AACS: variants seen among roughly 807,000 people sequenced by gnomAD.
AACS encodes acetoacetate-CoA ligase.
A neutral mutation model predicts 83.1 loss-of-function variants in AACS; 69 were observed. That is an observed-to-expected ratio of 0.83 (90% CI 0.68 to 1.01). The LOEUF (loss-of-function observed/expected upper bound fraction) is 1.01, where lower values mean the gene tolerates loss of function less well. Ranked by LOEUF, AACS falls within the 50% of genes least tolerant of loss-of-function variation. The pLI, the probability that AACS is intolerant of heterozygous loss-of-function variation, is 0.00. For missense variants in AACS, 866 were observed against 882.2 expected, an observed-to-expected ratio of 0.98 and a Z score of 0.23; for synonymous variants, 333 against 343.4, an observed-to-expected ratio of 0.97 and a Z score of 0.33.
intron 5 of AACS, among the ~76,000 whole-genome samples, chr12:125,096,462 C>T (rs561760997): frequency 5.3e-4 from 81 of 152,322 alleles, no homozygotes; most frequent in African/African-American, 1.7e-3. Context: ...GTGTGTTCGC[C>T]ACAGCCAAGG....
At chr12:125,107,554 T>C (rs1247511622) in intron 8 of AACS, among the ~76,000 whole-genome samples, 3 of 152,218 alleles carry the variant, frequency 2.0e-5, no homozygotes, top group African/African-American at 7.2e-5. Context: ...GTGCGCTGGC[T>C]GAACCAGCTA....
chr12:125,141,696 CAAAA>C (rs60837088), intron 17 of AACS: 4 of 60,552 alleles, frequency 6.6e-5, no homozygotes, highest in South Asian at 5.4e-4. Flanking sequence ...GACTCTGTCT[CAAAA>C]AAAAAAAAAA....
In AACS at chr12:125,103,982, C is replaced by T. The variant is rs569149502; in HGVS notation, c.767+901C>T. Reference sequence around the variant, plus strand: ...CAGCCTGGGCAAAAAAGCGAAACTCCGTCTCAAAAAAAAAAAAAAAAAAAA... The same window carrying T: ...CAGCCTGGGCAAAAAAGCGAAACTCTGTCTCAAAAAAAAAAAAAAAAAAAA... On this transcript the variant is annotated intron_variant, in intron 7 of 17. Transcript: ENST00000316519. Among the ~76,000 whole-genome samples, 28 of 26,050 alleles carry T rather than the reference C, an allele frequency of 1.1e-3. No homozygotes were observed. The South Asian group carries it at 0.018, about 16-fold the overall frequency. The allele number at this position is 26,050 out of a possible 152,430, so 17.1% of individuals were successfully genotyped here.
intron 7 of AACS, among the ~76,000 whole-genome samples, chr12:125,103,554 C>T (rs1956764618): frequency 6.6e-6 from 1 of 152,248 alleles, no homozygotes. Flanking sequence ...TATGGCTATG[C>T]ATACATAAAC....
In AACS at chr12:125,073,965, C is replaced by T. The variant is rs763684940; in HGVS notation, c.223C>T (p.Arg75Cys). The change falls in exon 2 of 18, where the codon CGT becomes TGT. Residue 75 changes from arginine (R) to cysteine (C), a missense_variant. Arg to Cys is a radical substitution (Grantham distance 180, BLOSUM62 -3). Coordinates refer to ENST00000316519, the MANE Select transcript of AACS (RefSeq NM_023928.5). ...FWKFSGIVFS[R>C]VYDEVVDTSK... ...GAAATTCAGTGGAATTGTCTTCTCACGTGTGTATGATGAGGTAAGTAGAGA... is the reference window on the plus strand; with the variant it reads ...GAAATTCAGTGGAATTGTCTTCTCATGTGTGTATGATGAGGTAAGTAGAGA... The T allele has an allele frequency of 6.2e-6, 10 of 1,613,420 alleles. No homozygotes were observed. The highest frequency in any genetic ancestry group is 3.3e-5 in the South Asian group (3 of 91,040).
intron 1 of AACS, among the ~76,000 whole-genome samples, chr12:125,071,515 A>T (rs1218583931): frequency 6.6e-6 from 1 of 152,204 alleles, no homozygotes; most frequent in Non-Finnish European, 1.5e-5. Context: ...CAAGGTGGAG[A>T]TGCAAATTCA....
chr12:125,098,624 G>GT (rs1389832411), intron 5 of AACS, among the ~76,000 whole-genome samples: 1 of 151,962 alleles, frequency 6.6e-6, no homozygotes, highest in Non-Finnish European at 1.5e-5. Context: ...GCCAATTTTT[G>GT]TATTTTTAGT....
intron 3 of AACS, chr12:125,077,947 G>A: frequency 2.8e-6 from 1 of 358,722 alleles, no homozygotes; most frequent in Non-Finnish European, 5.5e-6. Flanking sequence ...GACCTCAGGT[G>A]ATTCCCCCCG....
chr12:125,073,965 C>A lies in AACS; in HGVS notation c.223C>A (p.Arg75Ser), dbSNP rs763684940. 5.6e-6 allele frequency: 9 copies of A among 1,613,420 alleles called. No individual in the cohort carries two copies. The Admixed American group carries it at 6.7e-5, about 12-fold the overall frequency. ...GAAATTCAGTGGAATTGTCTTCTCACGTGTGTATGATGAGGTAAGTAGAGA... is the reference window on the plus strand; with the variant it reads ...GAAATTCAGTGGAATTGTCTTCTCAAGTGTGTATGATGAGGTAAGTAGAGA... Reference protein sequence around the residue: ...FWKFSGIVFSRVYDEVVDTSK... With the variant: ...FWKFSGIVFSSVYDEVVDTSK... Residue 75 changes from arginine to serine, a missense_variant, in exon 2 of 18, where the codon CGT becomes AGT. Arg to Ser is a moderately radical substitution (Grantham distance 110). Coordinates refer to ENST00000316519, the MANE Select transcript of AACS (RefSeq NM_023928.5).
intron 7 of AACS, chr12:125,105,801 A>G (rs1200485061): frequency 1.3e-5 from 2 of 152,188 alleles, no homozygotes; most frequent in Non-Finnish European, 2.9e-5. Context: ...AAAGGTAATC[A>G]TTATGTACTG....
chr12:125,095,999 CTG>C (rs1956598510), intron 5 of AACS, among the ~76,000 whole-genome samples: 1 of 152,216 alleles, frequency 6.6e-6, no homozygotes, highest in Admixed American at 6.5e-5. Context: ...GAGTCTCACT[CTG>C]TCTCCCAAGC....
intron 8 of AACS, among the ~76,000 whole-genome samples, chr12:125,112,505 C>G (rs574870027): frequency 2.6e-5 from 4 of 151,914 alleles, no homozygotes; most frequent in Non-Finnish European, 5.9e-5. Flanking sequence ...ATGGTGAAAC[C>G]CTGTCTCTCC....
chr12:125,098,671 T>C (rs1956661910), intron 5 of AACS, among the ~76,000 whole-genome samples: 1 of 152,188 alleles, frequency 6.6e-6, no homozygotes, highest in African/African-American at 2.4e-5. Flanking sequence ...AGGCTGGTCT[T>C]GAACTCCTGA....
intron 8 of AACS, among the ~76,000 whole-genome samples, chr12:125,108,067 G>T (rs555811850): frequency 1.3e-5 from 2 of 152,332 alleles, no homozygotes; most frequent in Admixed American, 1.3e-4. Flanking sequence ...TGCACGTGCT[G>T]GGGGCGTTGT....
At chr12:125,078,452 C>T (rs1329452048) in intron 3 of AACS, 6 of 397,988 alleles carry the variant, frequency 1.5e-5, no homozygotes, top group Non-Finnish European at 3.0e-5. Context: ...GGGGTCAGGG[C>T]TCTGACTGGC....
intron 1 of AACS, among the ~76,000 whole-genome samples, chr12:125,066,151 C>T (rs73421854): frequency 1.3e-5 from 2 of 152,170 alleles, no homozygotes; most frequent in Non-Finnish European, 2.9e-5. Context: ...GCCGTGCACT[C>T]TGTCCCCCTG....
chr12:125,137,023 CT>C (rs1198038357), intron 17 of AACS, among the ~76,000 whole-genome samples, 159 bp downstream of exon 17: 1 of 152,174 alleles, frequency 6.6e-6, no homozygotes, highest in African/African-American at 2.4e-5. Flanking sequence ...TTTTCCTACC[CT>C]TCCTAAGACT....
rs1362740745 is a variant in AACS at position 125,076,609 on chromosome 12, C to G, written c.356C>G (p.Ala119Gly). 3 of 1,613,812 alleles carry G rather than the reference C, an allele frequency of 1.9e-6. No individual in the cohort carries two copies. Among genetic ancestry groups the G allele is most frequent in the Non-Finnish European group, 2.5e-6 (3 of 1,179,932 alleles). The change falls in exon 3 of 18, where the codon GCA becomes GGA. Residue 119 changes from alanine (A) to glycine (G), a missense_variant and splice_region_variant. Transcript: ENST00000316519. Reference protein sequence around the residue: ...KENDRVALYIAREGKEEIVKV... With the variant: ...KENDRVALYIGREGKEEIVKV... ...AATGACAGAGTTGCCCTTTACATTG[C>G]AAGTAAGTCCTGATGGCGAGACCTG... is the stretch of plus-strand genomic sequence containing the variant.
intron 8 of AACS, among the ~76,000 whole-genome samples, chr12:125,109,131 T>G (rs1029798485): frequency 6.6e-6 from 1 of 152,152 alleles, no homozygotes; most frequent in Non-Finnish European, 1.5e-5. Context: ...TTCAACGTCC[T>G]TTTGTTTTGT....
Sources: gnomAD v4.1 joint callset for allele counts (sites outside exome capture counted in the v4.1 genomes callset) on GRCh38, gnomAD v4.1.1 for gene constraint, MANE v1.5 for transcripts, NCBI Gene and HGNC (gene_info 2026-07-23, HGNC 2026-07-21) for gene names.